MCTP2: variants seen among roughly 807,000 people sequenced by gnomAD.
The protein encoded by MCTP2 is multiple C2 and transmembrane domain-containing protein 2.
In MCTP2, 132 loss-of-function variants were observed where a neutral mutation model predicts 111.6. That is an observed-to-expected ratio of 1.18 (90% CI 1.03 to 1.37). MCTP2 has a LOEUF of 1.37. Among genes scored for constraint, MCTP2 ranks in the 40% most tolerant of loss-of-function variants. The pLI, the probability that MCTP2 is intolerant of heterozygous loss-of-function variation, is 0.00. For missense variants in MCTP2, 1,183 were observed against 1,067.9 expected, an observed-to-expected ratio of 1.11 and a Z score of -1.50; for synonymous variants, 395 against 387.7, an observed-to-expected ratio of 1.02 and a Z score of -0.22.
intron 8 of MCTP2, among the ~76,000 whole-genome samples, chr15:94,347,858 A>C (rs1196596706): frequency 2.0e-5 from 3 of 151,896 alleles, no homozygotes; most frequent in Non-Finnish European, 4.4e-5. Context: ...TGTGTTCAGA[A>C]ACTGCACATA....
intron 21 of MCTP2, among the ~76,000 whole-genome samples, chr15:94,475,149 T>C (rs1440417006): frequency 6.6e-6 from 1 of 152,222 alleles, no homozygotes; most frequent in African/African-American, 2.4e-5. Context: ...TACAATTAAA[T>C]GTCTTTAGAA....
At chr15:94,256,978 T>C (rs568478520) in intron 1 of MCTP2, among the ~76,000 whole-genome samples, 1 of 152,208 alleles carries the variant, frequency 6.6e-6, no homozygotes, top group African/African-American at 2.4e-5. Context: ...CCTCCTCTCC[T>C]CCCTGACTTC....
intron 14 of MCTP2, among the ~76,000 whole-genome samples, chr15:94,390,038 A>C (rs2080780975): frequency 6.9e-6 from 1 of 143,954 alleles, no homozygotes; most frequent in Non-Finnish European, 1.5e-5. Flanking sequence ...ATTGATGGTG[A>C]ATGTTCAAGG....
In MCTP2 at chr15:94,298,193, T is replaced by G; in HGVS notation, c.-65-8T>G. ...GTTTGTTTTTTGTTGTTTTTTTCTG[T>G]TTTATAGGAGTCATTGCAGTTTTCA... is the stretch of plus-strand genomic sequence containing the variant. On this transcript the variant is annotated splice_polypyrimidine_tract_variant and splice_region_variant and intron_variant, in intron 1 of 22. Transcript: ENST00000357742. 3 of 1,160,028 alleles carry G rather than the reference T, an allele frequency of 2.6e-6. No individual in the cohort carries two copies. The highest frequency in any genetic ancestry group is 2.4e-6 in the Non-Finnish European group (2 of 840,642). 71.9% of individuals were successfully genotyped at this position (1,160,028 alleles called of 1,614,324 possible).
chr15:94,293,747 C>G (rs760745771), intron 1 of MCTP2, among the ~76,000 whole-genome samples: 4 of 152,214 alleles, frequency 2.6e-5, no homozygotes, highest in Admixed American at 6.5e-5. Flanking sequence ...AACTGGAATT[C>G]TCATAATTGT....
At chr15:94,245,716 G>GTGTGTATA (rs1555440223) in intron 1 of MCTP2, among the ~76,000 whole-genome samples, 22 of 139,782 alleles carry the variant, frequency 1.6e-4, no homozygotes, top group African/African-American at 5.6e-4. Flanking sequence ...GTGTGTGTGT[G>GTGTGTATA]TATATATATA....
chr15:94,372,413 A>G (rs1430111585), intron 12 of MCTP2, among the ~76,000 whole-genome samples: 1 of 152,210 alleles, frequency 6.6e-6, no homozygotes, highest in Admixed American at 6.5e-5. Flanking sequence ...TAGGGCTACA[A>G]AGTGGACTTA....
Position 94,272,883 on chromosome 15 carries a change from C to A in MCTP2, c.-65-25318C>A, listed in dbSNP as rs182918431. 1.2e-3 allele frequency among the ~76,000 whole-genome samples: 181 copies of A among 152,304 alleles called. 3 individuals are homozygous for A. Among genetic ancestry groups the A allele is most frequent in the Non-Finnish European group, 1.6e-4 (11 of 68,024 alleles). ...GGCAATGTCATCCATTACCATGCCT[C>A]CAATTGTCATCTGAATTGCCAATCT... On this transcript the variant is annotated intron_variant, in intron 1 of 22. Coordinates refer to ENST00000357742, the MANE Select transcript of MCTP2 (RefSeq NM_001385001.1).
intron 17 of MCTP2, among the ~76,000 whole-genome samples, chr15:94,419,834 G>A (rs1444522068): frequency 6.6e-6 from 1 of 151,336 alleles, no homozygotes; most frequent in African/African-American, 2.4e-5. Flanking sequence ...CTACAAAAAA[G>A]CAAGTTATCC....
intron 4 of MCTP2, among the ~76,000 whole-genome samples, chr15:94,338,826 C>T (rs1214651679): frequency 6.6e-6 from 1 of 152,202 alleles, no homozygotes; most frequent in African/African-American, 2.4e-5. Context: ...TCTTTTGAGC[C>T]AGTGATTCCA....
intron 19 of MCTP2, among the ~76,000 whole-genome samples, chr15:94,448,521 T>C (rs1220377381): frequency 6.6e-6 from 1 of 152,186 alleles, no homozygotes; most frequent in Non-Finnish European, 1.5e-5. Context: ...TTGAAACTTT[T>C]TGAGTGCTAA....
chr15:94,263,877 G>C (rs1447986571), intron 1 of MCTP2, among the ~76,000 whole-genome samples: 1 of 152,240 alleles, frequency 6.6e-6, no homozygotes, highest in Non-Finnish European at 1.5e-5. Flanking sequence ...AGAATCATCT[G>C]TAGTCAGACT....
At chr15:94,330,781 C>T (rs938557118) in intron 4 of MCTP2, among the ~76,000 whole-genome samples, 3 of 152,188 alleles carry the variant, frequency 2.0e-5, no homozygotes, top group African/African-American at 7.2e-5. Context: ...GTTGCCCAGG[C>T]TGGAGTGCAG....
chr15:94,420,528 T>A (rs2082575794), intron 17 of MCTP2, among the ~76,000 whole-genome samples: 1 of 152,144 alleles, frequency 6.6e-6, no homozygotes, highest in Admixed American at 6.6e-5. Flanking sequence ...AATATCAACA[T>A]TAACACGAGT....
intron 19 of MCTP2, among the ~76,000 whole-genome samples, chr15:94,443,180 G>A (rs1210116522): frequency 6.6e-6 from 1 of 151,732 alleles, no homozygotes; most frequent in Non-Finnish European, 1.5e-5. Context: ...TAATTGAAAT[G>A]TTATAAAAAG....
chr15:94,442,293 C>T (rs2083825710), intron 18 of MCTP2, among the ~76,000 whole-genome samples: 1 of 152,164 alleles, frequency 6.6e-6, no homozygotes, highest in Non-Finnish European at 1.5e-5. Context: ...TTTTTATATT[C>T]ATCTAAACAA....
intron 4 of MCTP2, among the ~76,000 whole-genome samples, chr15:94,334,876 C>G (rs528553585): frequency 6.6e-6 from 1 of 152,258 alleles, no homozygotes; most frequent in Non-Finnish European, 1.5e-5. Context: ...CATTTCTTAA[C>G]ATAGTTTAAT....
At chr15:94,254,850 G>A (rs987296209) in intron 1 of MCTP2, among the ~76,000 whole-genome samples, 9 of 152,098 alleles carry the variant, frequency 5.9e-5, no homozygotes, top group African/African-American at 1.4e-4. Context: ...TAATGACTTC[G>A]CAAAAGAGAA....
At chr15:94,237,440 AT>A (rs34291691) in intron 1 of MCTP2, among the ~76,000 whole-genome samples, 20,424 of 146,044 alleles carry the variant, frequency 0.14, 1,513 homozygotes, top group Non-Finnish European at 0.18. Flanking sequence ...CTAAACTCGG[AT>A]TTTTTTTTTT....
Sources: gnomAD v4.1 joint callset for allele counts (sites outside exome capture counted in the v4.1 genomes callset) on GRCh38, gnomAD v4.1.1 for gene constraint, MANE v1.5 for transcripts, NCBI Gene and HGNC (gene_info 2026-07-23, HGNC 2026-07-21) for gene names.